Variants in GADL1 observed in about 807,000 individuals in gnomAD.
GADL1 encodes the protein acidic amino acid decarboxylase GADL1.
In GADL1, 71 loss-of-function variants were observed where a neutral mutation model predicts 69.5. That is an observed-to-expected ratio of 1.02 (90% CI 0.84 to 1.25). The LOEUF (loss-of-function observed/expected upper bound fraction) is 1.25. Ranked by LOEUF, GADL1 falls within the 50% of genes most tolerant of loss-of-function variation. GADL1 has a pLI of 0.00. For synonymous variants in GADL1, 254 were observed against 214.4 expected, an observed-to-expected ratio of 1.18 and a Z score of -1.62; for missense variants, 737 against 631.8, an observed-to-expected ratio of 1.17 and a Z score of -1.79.
intron 6 of GADL1, among the ~76,000 whole-genome samples, chr3:30,849,284 T>C (rs905066860): frequency 1.3e-5 from 2 of 152,208 alleles, no homozygotes; most frequent in Non-Finnish European, 2.9e-5. Flanking sequence ...AGTGATAATA[T>C]ACAGTTATAG....
chr3:30,796,739 C>T (rs1377507207), intron 12 of GADL1, among the ~76,000 whole-genome samples: 1 of 152,194 alleles, frequency 6.6e-6, no homozygotes, highest in South Asian at 2.1e-4. Flanking sequence ...ACCAAGCCTT[C>T]TGAAAGTCAT....
At chr3:30,822,011 A>C (rs1167769454) in intron 11 of GADL1, among the ~76,000 whole-genome samples, 1 of 152,048 alleles carries the variant, frequency 6.6e-6, no homozygotes, top group Non-Finnish European at 1.5e-5. Flanking sequence ...CATTTCCTGT[A>C]GTTGATATGC....
At chr3:30,794,611 A>G (rs947103954) in intron 12 of GADL1, among the ~76,000 whole-genome samples, 1 of 152,148 alleles carries the variant, frequency 6.6e-6, no homozygotes, top group Non-Finnish European at 1.5e-5. Flanking sequence ...TTAGTAATTA[A>G]TATTTTCTGG....
At chr3:30,812,382 AG>A (rs554088255) in intron 11 of GADL1, among the ~76,000 whole-genome samples, 206 of 152,364 alleles carry the variant, frequency 1.4e-3, no homozygotes, top group African/African-American at 4.7e-3. Flanking sequence ...ATGGACTCAC[AG>A]TTCCACGTGG....
At chr3:30,858,576 G>GGT (rs1285177505) in intron 2 of GADL1, among the ~76,000 whole-genome samples, 1 of 151,980 alleles carries the variant, frequency 6.6e-6, no homozygotes, top group African/African-American at 2.4e-5. Flanking sequence ...ATCATCCCAA[G>GGT]GTTTCCAGCT....
At chr3:30,787,389 C>T (rs1030781517) in intron 12 of GADL1, among the ~76,000 whole-genome samples, 15 of 152,118 alleles carry the variant, frequency 9.9e-5, no homozygotes, top group African/African-American at 3.4e-4. Context: ...AATATTGACT[C>T]CTCTCTTCTA....
At chr3:30,826,935 T>C (rs1575223260) in intron 11 of GADL1, among the ~76,000 whole-genome samples, 1 of 151,858 alleles carries the variant, frequency 6.6e-6, no homozygotes, top group South Asian at 2.1e-4. Context: ...AGTGCCAACG[T>C]GGGATGGGAT....
chr3:30,767,765 T>TC (rs1175586606), intron 14 of GADL1, among the ~76,000 whole-genome samples: 1 of 152,170 alleles, frequency 6.6e-6, no homozygotes, highest in Non-Finnish European at 1.5e-5. Context: ...TGTTTTTTCA[T>TC]CGTACAGAAG....
chr3:30,791,812 G>A (rs1055923143), intron 12 of GADL1, among the ~76,000 whole-genome samples: 3 of 152,082 alleles, frequency 2.0e-5, no homozygotes, highest in Non-Finnish European at 4.4e-5. Flanking sequence ...AATCATGTGG[G>A]TGGGTTTTCT....
chr3:30,758,318 C>T (rs1243329365), intron 14 of GADL1, among the ~76,000 whole-genome samples: 1 of 152,216 alleles, frequency 6.6e-6, no homozygotes, highest in Non-Finnish European at 1.5e-5. Flanking sequence ...CCCTCCTTAG[C>T]TGATGAGTTT....
Position 30,735,167 on chromosome 3 carries a change from A to G in GADL1, c.1393-6752T>C, listed in dbSNP as rs147189357. 1.6e-3 allele frequency among the ~76,000 whole-genome samples: 249 copies of G among 152,252 alleles called. 1 individual carries two copies. Among genetic ancestry groups the G allele is most frequent in the African/African-American group, 5.7e-3 (238 of 41,526 alleles). ...CTTGATCCATGCAGTAAAGAAAACT[A>G]AATCTCCCATTGCATTGTGTAGAAG... On this transcript the variant is annotated intron_variant, in intron 14 of 14. Transcript: ENST00000282538.
At chr3:30,760,074 T>C (rs976286010) in intron 14 of GADL1, among the ~76,000 whole-genome samples, 1 of 152,252 alleles carries the variant, frequency 6.6e-6, no homozygotes, top group Non-Finnish European at 1.5e-5. Flanking sequence ...ACTAAAGTTT[T>C]GTGATTGTTT....
intron 14 of GADL1, among the ~76,000 whole-genome samples, chr3:30,754,863 T>A (rs1401814222): frequency 6.6e-6 from 1 of 151,804 alleles, no homozygotes; most frequent in Admixed American, 6.6e-5. Flanking sequence ...GGCACTGATT[T>A]TTTTTCTGAA....
At chr3:30,815,173 T>A (rs1483190991) in intron 11 of GADL1, among the ~76,000 whole-genome samples, 1 of 152,096 alleles carries the variant, frequency 6.6e-6, no homozygotes, top group Non-Finnish European at 1.5e-5. Context: ...AATTTCTAAT[T>A]TTCATTGTTC....
intron 2 of GADL1, among the ~76,000 whole-genome samples, chr3:30,857,369 A>C (rs548896970): frequency 6.6e-6 from 1 of 152,186 alleles, no homozygotes; most frequent in South Asian, 2.1e-4. Flanking sequence ...AGTGATACTG[A>C]TATCTAAGTT....
intron 14 of GADL1, among the ~76,000 whole-genome samples, chr3:30,758,790 C>T (rs1169633969): frequency 6.6e-6 from 1 of 152,180 alleles, no homozygotes; most frequent in East Asian, 1.9e-4. Context: ...CTTTCATAAA[C>T]AGAATCCTAT....
At chr3:30,886,988 C>T (rs1020857462) in intron 1 of GADL1, among the ~76,000 whole-genome samples, 4 of 152,184 alleles carry the variant, frequency 2.6e-5, no homozygotes, top group Non-Finnish European at 5.9e-5. Context: ...TCATCTTCAC[C>T]ACTACTCTGG....
At chr3:30,830,691 A>G (rs1360906780) in intron 11 of GADL1, among the ~76,000 whole-genome samples, 1 of 151,988 alleles carries the variant, frequency 6.6e-6, no homozygotes, top group African/African-American at 2.4e-5. Context: ...GATATCATCT[A>G]TGTGTTAACA....
At chr3:30,759,440 C>A (rs773948372) in intron 14 of GADL1, among the ~76,000 whole-genome samples, 9 of 152,118 alleles carry the variant, frequency 5.9e-5, no homozygotes, top group Non-Finnish European at 1.3e-4. Flanking sequence ...AAACATTTAT[C>A]TTTTCCTCAA....
Sources: allele counts gnomAD v4.1 joint callset (sites outside exome capture counted in the v4.1 genomes callset), GRCh38; gene constraint gnomAD v4.1.1; transcripts MANE v1.5; gene names NCBI Gene and HGNC (gene_info 2026-07-23, HGNC 2026-07-21).